Variants in CTDSP1 observed in about 807,000 individuals in gnomAD.
The protein encoded by CTDSP1 is carboxy-terminal domain RNA polymerase II polypeptide A small phosphatase 1.
Under a neutral mutation model 32.5 loss-of-function variants are expected in CTDSP1, and 15 were observed. That is an observed-to-expected ratio of 0.46 (90% CI 0.31 to 0.71). The LOEUF (loss-of-function observed/expected upper bound fraction) is 0.71. Among genes scored for constraint, CTDSP1 ranks in the 30% least tolerant of loss-of-function variants. The pLI is 0.05. For missense variants in CTDSP1, 294 were observed against 351.1 expected (o/e 0.84, Z 1.30); for synonymous variants, 185 against 145.4 (o/e 1.27, Z -1.96).
chr2:218,400,243 C>T (rs1427447809), intron 1 of CTDSP1, 86 bp downstream of exon 1: 1 of 1,305,226 alleles, frequency 7.7e-7, no homozygotes, highest in East Asian at 2.5e-5. Flanking sequence ...GAGCCGCCGC[C>T]GCCGCCCCGG....
At chr2:218,398,629 G>A (rs1414956662), upstream of CTDSP1, 1 of 452,842 alleles carries the variant, frequency 2.2e-6, no homozygotes, top group African/African-American at 2.1e-5. Flanking sequence ...GCAGGGCCTG[G>A]CGGACGTGCG....
chr2:218,398,600 C>T, upstream of CTDSP1: 2 of 600,416 alleles, frequency 3.3e-6, no homozygotes, highest in Non-Finnish European at 5.3e-6. Flanking sequence ...CGGGGCCTCC[C>T]CTCCCCGGCT....
chr2:218,398,303 A>T (rs1221918208), upstream of CTDSP1: 1 of 983,506 alleles, frequency 1.0e-6, no homozygotes, highest in Non-Finnish European at 1.5e-6. Flanking sequence ...TCATCTGTGA[A>T]ATGGGTTAAG....
intron 4 of CTDSP1, 27 bp from the exon 5 acceptor site, chr2:218,403,008 C>A: frequency 1.3e-6 from 2 of 1,585,194 alleles, no homozygotes; most frequent in Non-Finnish European, 1.7e-6. Flanking sequence ...CACTGGCCCG[C>A]AGCCCCCTCA....
At chr2:218,402,598 G>C (rs1559137293) in intron 4 of CTDSP1, 193 bp downstream of exon 4, 1 of 759,072 alleles carries the variant, frequency 1.3e-6, no homozygotes, top group East Asian at 2.5e-5. Flanking sequence ...TGCAGAGTGG[G>C]CTCCTCCTCT....
chr2:218,398,473 G>C, upstream of CTDSP1: 2 of 1,528,392 alleles, frequency 1.3e-6, no homozygotes, highest in East Asian at 5.0e-5. Context: ...CCAGCCCGGG[G>C]ACCGGGGTAT....
chr2:218,398,967 G>T (rs1214647215), upstream of CTDSP1: 1 of 152,212 alleles, frequency 6.6e-6, no homozygotes, highest in Non-Finnish European at 1.5e-5. Flanking sequence ...GTCCCCCACG[G>T]TCGGGCTTTG....
upstream of CTDSP1, chr2:218,396,463 CCCCCGATTT>C (rs933325894): frequency 5.2e-5 from 8 of 152,558 alleles, no homozygotes; most frequent in Admixed American, 5.2e-4. Flanking sequence ...CCTGGAAGAA[CCCCCGATTT>C]CCTGGGGACC....
chr2:218,404,649 C>T lies in CTDSP1; in HGVS notation c.*224C>T, dbSNP rs548667506. Reference sequence around the variant, plus strand: ...CCGTGTCAGTGCCTTCAAACCTCCTCCCCTATTCTCAGGGGACCTGGGGGG... The same window carrying T: ...CCGTGTCAGTGCCTTCAAACCTCCTTCCCTATTCTCAGGGGACCTGGGGGG... On this transcript the variant is annotated 3_prime_UTR_variant, in exon 7 of 7. Transcript: ENST00000273062. 1.9e-5 allele frequency: 10 copies of T among 517,452 alleles called. No homozygotes were observed. In the East Asian group the frequency reaches 1.9e-4, roughly 10 times the overall value. 32.1% of individuals were successfully genotyped at this position (517,452 alleles called of 1,614,324 possible).
In CTDSP1 at chr2:218,403,136, C is replaced by T; in HGVS notation, c.471+9C>T. 1 of 1,614,048 alleles carries T rather than the reference C, an allele frequency of 6.2e-7. No individual in the cohort carries two copies. Among genetic ancestry groups the T allele is most frequent in the Non-Finnish European group, 8.5e-7 (1 of 1,179,958 alleles). ...CTGCTAGCCTCGCCAAGGTGAGCCCCACAGGGGTCCCGGGGCAACCCTGCC... is the reference window on the plus strand; with the variant it reads ...CTGCTAGCCTCGCCAAGGTGAGCCCTACAGGGGTCCCGGGGCAACCCTGCC... On this transcript the variant is annotated intron_variant, in intron 5 of 6. Coordinates refer to ENST00000273062, the MANE Select transcript of CTDSP1 (RefSeq NM_021198.3).
At position 218,400,165 on chromosome 2, in the gene CTDSP1, G is replaced by T; in HGVS notation, c.67+8G>T. ...GCCCGCTGCGGGGCAAAGGTACCGG[G>T]GCTGCGGGGAGGGGGCCGAAGCCGG... is the stretch of plus-strand genomic sequence containing the variant. On this transcript the variant is annotated splice_region_variant and intron_variant, in intron 1 of 6. Coordinates refer to ENST00000273062, the MANE Select transcript of CTDSP1 (RefSeq NM_021198.3). The T allele has an allele frequency of 6.5e-7, 1 of 1,542,388 alleles. No homozygotes were observed. The highest frequency in any genetic ancestry group is 8.7e-7 in the Non-Finnish European group (1 of 1,144,320).
Position 218,400,466 on chromosome 2 carries a change from T to C in CTDSP1, c.67+309T>C, listed in dbSNP as rs564865704. On this transcript the variant is annotated intron_variant, in intron 1 of 6. Transcript: ENST00000273062. ...GTGGTGCATGGGCGCCCCCCCACCA[T>C]TGGCGCCAATGGGGCTGGGAGATGG... 4.5e-4 allele frequency: 204 copies of C among 449,406 alleles called. 4 individuals are homozygous for C. The highest frequency in any genetic ancestry group is 3.8e-3 in the South Asian group (190 of 50,426). The allele number at this position is 449,406 out of a possible 1,614,324, so 27.8% of individuals were successfully genotyped here.
chr2:218,401,163 G>A, intron 1 of CTDSP1: 1 of 364,188 alleles, frequency 2.7e-6, no homozygotes, highest in South Asian at 2.0e-5. Flanking sequence ...GGGAGGGCAG[G>A]GGTGGACTGC....
chr2:218,402,571 T>C, intron 4 of CTDSP1, 166 bp downstream of exon 4: 1 of 796,718 alleles, frequency 1.3e-6, no homozygotes, highest in East Asian at 2.6e-5. Flanking sequence ...CTCAAGGGCT[T>C]GTGCTGACTC....
rs370760593 is a variant in CTDSP1 at position 218,402,343 on chromosome 2, C to A, written c.322-6C>A. The A allele has an allele frequency of 3.1e-6, 5 of 1,614,066 alleles. No homozygotes were observed. The highest frequency in any genetic ancestry group is 4.2e-6 in the Non-Finnish European group (5 of 1,179,998). ...TCCAACTCCAGCAGCTCTTTTCCCC[C>A]CACAGCCAGTGAACAACGCGGACTT... On this transcript the variant is annotated splice_polypyrimidine_tract_variant and splice_region_variant and intron_variant, in intron 3 of 6. Coordinates refer to ENST00000273062, the MANE Select transcript of CTDSP1 (RefSeq NM_021198.3).
At chr2:218,399,148 C>T (rs374326567), upstream of CTDSP1, 1 of 152,250 alleles carries the variant, frequency 6.6e-6, no homozygotes, top group Non-Finnish European at 1.5e-5. Context: ...AATTTGGCTA[C>T]GCGAAAGGAA....
At chr2:218,398,477 G>A (rs762235820), upstream of CTDSP1, 2 of 1,526,626 alleles carry the variant, frequency 1.3e-6, no homozygotes, top group South Asian at 1.2e-5. Context: ...CCCGGGGACC[G>A]GGGTATCAGT....
In CTDSP1 at chr2:218,404,497, C is replaced by T. The variant is rs919389308; in HGVS notation, c.*72C>T. 1 of 1,576,514 alleles carries T rather than the reference C, an allele frequency of 6.3e-7. No individual in the cohort carries two copies. The highest frequency in any genetic ancestry group is 8.6e-7 in the Non-Finnish European group (1 of 1,157,356). On this transcript the variant is annotated 3_prime_UTR_variant, in exon 7 of 7. Coordinates refer to ENST00000273062, the MANE Select transcript of CTDSP1 (RefSeq NM_021198.3). ...CCTCCTCCCAGGAAGACTGCCCAGG[C>T]CTTTGTTAGGAAAACCCATGGGCCG...
At chr2:218,402,320 C>T (rs779459596) in intron 3 of CTDSP1, 29 bp from the exon 4 acceptor site, 1 of 1,613,756 alleles carries the variant, frequency 6.2e-7, no homozygotes, top group African/African-American at 1.3e-5. Flanking sequence ...GCTCCTCCTC[C>T]AACTCCAGCA....
Sources: allele counts gnomAD v4.1 joint callset, GRCh38; gene constraint gnomAD v4.1.1; transcripts MANE v1.5; gene names NCBI Gene and HGNC (gene_info 2026-07-23, HGNC 2026-07-21).